Variants in DSP observed in about 807,000 individuals in gnomAD.
DSP encodes the protein desmoplakin, also known as 250/210 kDa paraneoplastic pemphigus antigen.
In DSP, 114 loss-of-function variants were observed where a neutral mutation model predicts 290.6. That is an observed-to-expected ratio of 0.39 (90% CI 0.34 to 0.46). The LOEUF is 0.46. DSP is among the 20% of genes least tolerant of loss of function. DSP has a pLI of 0.99. For missense variants in DSP, 3,230 were observed against 3,495.8 expected, an observed-to-expected ratio of 0.92 and a Z score of 1.92; for synonymous variants, 1,311 against 1,316.4, an observed-to-expected ratio of 1.00 and a Z score of 0.09.
At position 7,585,849 on chromosome 6, in the gene DSP, T is replaced by C; in HGVS notation, c.8587T>C (p.Ser2863Pro). 1.2e-6 allele frequency: 2 copies of C among 1,614,042 alleles called. No individual in the cohort carries two copies. ...GAATTCTTCCTACTCTTATTCCTAC[T>C]CATTTAGCAGTAGTTCTATTGGGCA... ...TGNSSYSYSY[S>P]FSSSSIGH Residue 2863 changes from serine to proline, a missense_variant, in exon 24 of 24, where the codon TCA (serine) becomes CCA (proline). Physicochemically the swap from Ser to Pro is moderately conservative, Grantham distance 74 (BLOSUM62 -1). Coordinates refer to ENST00000379802, the MANE Select transcript of DSP (RefSeq NM_004415.4).
intron 14 of DSP, 50 bp from the exon 15 acceptor site, chr6:7,571,792 T>TTGA: frequency 6.3e-7 from 1 of 1,586,194 alleles, no homozygotes; most frequent in East Asian, 2.2e-5. Flanking sequence ...GCCTAGCACC[T>TTGA]TGATACCTAG....
chr6:7,579,406 C>T lies in DSP; in HGVS notation c.3216C>T (p.Phe1072=), dbSNP rs774512190. 4 of 1,614,124 alleles carry T rather than the reference C, an allele frequency of 2.5e-6. No homozygotes were observed. The East Asian group carries it at 8.9e-5, about 36-fold the overall frequency. The change falls in exon 23 of 24, where the codon TTC becomes TTT. Residue 1072 remains phenylalanine, a synonymous_variant. Coordinates refer to ENST00000379802, the MANE Select transcript of DSP (RefSeq NM_004415.4). The surrounding 1 kb of genome is among the most constrained non-coding windows in gnomAD (Gnocchi z 4.1). ...LQKYQAECSQ[F]KAKLASLEEL... is the part of the protein sequence containing the mutation. Reference sequence around the variant, plus strand: ...AATACCAGGCAGAGTGTTCCCAGTTCAAAGCGAAGCTTGCGAGCCTGGAGG... The same window carrying T: ...AATACCAGGCAGAGTGTTCCCAGTTTAAAGCGAAGCTTGCGAGCCTGGAGG...
At chr6:7,581,690 T>C in intron 23 of DSP, 121 bp downstream of exon 23, 1 of 1,368,872 alleles carries the variant, frequency 7.3e-7, no homozygotes, top group African/African-American at 1.5e-5. Flanking sequence ...AATTTTTCTT[T>C]TTATTGCTCT....
intron 23 of DSP, among the ~76,000 whole-genome samples, 192 bp downstream of exon 23, chr6:7,581,761 CTGT>C (rs1759447008): frequency 6.6e-6 from 1 of 152,198 alleles, no homozygotes; most frequent in African/African-American, 2.4e-5. Flanking sequence ...GTGTGCCCTG[CTGT>C]TCTTTAATTG....
Position 7,563,620 on chromosome 6 carries a change from C to G in DSP, c.727-116C>G, listed in dbSNP as rs1353323589. The G allele has an allele frequency of 6.9e-6, 6 of 873,524 alleles. No homozygotes were observed. The East Asian group carries it at 1.5e-4, about 22-fold the overall frequency. The allele number at this position is 873,524 out of a possible 1,614,324, so 54.1% of individuals were successfully genotyped here. On this transcript the variant is annotated intron_variant, in intron 5 of 23. Transcript: ENST00000379802. The stretch of plus-strand genomic sequence containing the variant: ...TATCTCATAGAGCTAGTAATTCTTT[C>G]TTTCTATGGAGGGATCTGAGGCCAG...
chr6:7,575,375 C>T lies in DSP; in HGVS notation c.2517C>T (p.His839=). 1 of 1,614,054 alleles carries T rather than the reference C, an allele frequency of 6.2e-7. No individual in the cohort carries two copies. Among genetic ancestry groups the T allele is most frequent in the Non-Finnish European group, 8.5e-7 (1 of 1,180,024 alleles). ...KTELQKAQQI[H]SQTSQQYPLY... The stretch of plus-strand genomic sequence containing the variant: ...AACTACAGAAAGCCCAGCAGATCCA[C>T]TCTCAGACTTCACAGCAGTATCCAC... The change falls in exon 18 of 24, where the codon CAC becomes CAT. Residue 839 remains histidine (H), a synonymous_variant. Coordinates refer to ENST00000379802, the MANE Select transcript of DSP (RefSeq NM_004415.4).
intron 21 of DSP, 23 bp downstream of exon 21, chr6:7,577,909 C>G: frequency 1.3e-6 from 2 of 1,569,002 alleles, no homozygotes; most frequent in Non-Finnish European, 1.8e-6. Context: ...TCACATATCT[C>G]TTAAAACCTG....
chr6:7,569,045 T>C (rs1034816148), intron 11 of DSP, 141 bp from the exon 12 acceptor site: 1 of 1,106,602 alleles, frequency 9.0e-7, no homozygotes, highest in African/African-American at 1.6e-5. Context: ...TTGGGTTGTA[T>C]GATGATCAGC....
In DSP at chr6:7,577,912, A is replaced by G; in HGVS notation, c.2985+26A>G. The G allele has an allele frequency of 4.5e-6, 7 of 1,561,164 alleles. No individual in the cohort carries two copies. The South Asian group carries it at 6.7e-5, about 15-fold the overall frequency. ...GTATATATGTCATCACATATCTCTTAAAACCTGCCCCTCCTTCTGCTTCTT... is the reference window on the plus strand; with the variant it reads ...GTATATATGTCATCACATATCTCTTGAAACCTGCCCCTCCTTCTGCTTCTT... On this transcript the variant is annotated intron_variant, in intron 21 of 23. Transcript: ENST00000379802.
rs1221382084 is a variant in DSP at position 7,585,752 on chromosome 6, C to T, written c.8490C>T (p.Arg2830=). ...CTCCGGGGTCCCGCTCCGGCTCCCG[C>T]TCGGGATCTCGCTCCGGATCTCGCT... is the stretch of plus-strand genomic sequence containing the variant. ...SSAPGSRSGS[R]SGSRSGSRSG... is the part of the protein sequence containing the mutation. Residue 2830 remains arginine, a synonymous_variant, in exon 24 of 24, where the codon CGC becomes CGT. Transcript: ENST00000379802. The T allele has an allele frequency of 2.5e-6, 4 of 1,609,826 alleles. No individual in the cohort carries two copies. The highest frequency in any genetic ancestry group is 2.7e-5 in the African/African-American group (2 of 74,692).
In DSP at chr6:7,579,488, T is replaced by C. The variant is rs757539604; in HGVS notation, c.3298T>C (p.Cys1100Arg). Residue 1100 changes from cysteine to arginine, a missense_variant, in exon 23 of 24, where the codon TGC becomes CGC. By Grantham distance (180) the Cys-to-Arg change is radical. This residue lies in a region of DSP where 1,714 missense variants were observed against 1,844.5 expected (regional missense o/e 0.93). Transcript: ENST00000379802. The surrounding 1 kb of genome is among the most constrained non-coding windows in gnomAD (Gnocchi z 4.1). ...GKSAKQNLDK[C>R]YGQIKELNEK... is the part of the protein sequence containing the mutation. ...GTCGGCTAAGCAAAATCTAGACAAG[T>C]GCTACGGCCAAATAAAAGAACTCAA... The C allele has an allele frequency of 2.5e-6, 4 of 1,613,950 alleles. No homozygotes were observed. Among genetic ancestry groups the C allele is most frequent in the Non-Finnish European group, 3.4e-6 (4 of 1,180,028 alleles).
In DSP at chr6:7,584,404, A is replaced by G; in HGVS notation, c.7142A>G (p.Lys2381Arg). The stretch of plus-strand genomic sequence containing the variant: ...GCAACCGGGGGGATCATTGACCCAA[A>G]GGAGAGCCATCGTTTACCAGTTGAC... ...QIATGGIIDP[K>R]ESHRLPVDIA... is the part of the protein sequence containing the mutation. The change falls in exon 24 of 24, where the codon AAG (lysine) becomes AGG (arginine). Residue 2381 changes from lysine to arginine, a missense_variant. This residue lies in a region of DSP where 207 missense variants were observed against 281.2 expected (regional missense o/e 0.74). Coordinates refer to ENST00000379802, the MANE Select transcript of DSP (RefSeq NM_004415.4). This position sits in a 1 kb window ranked among gnomAD's most constrained non-coding sequence, Gnocchi z 6.4. 3.1e-6 allele frequency: 5 copies of G among 1,614,164 alleles called. No homozygotes were observed. The highest frequency in any genetic ancestry group is 4.2e-6 in the Non-Finnish European group (5 of 1,179,990).
At chr6:7,570,585 G>A in intron 13 of DSP, 22 bp downstream of exon 13, 1 of 1,612,184 alleles carries the variant, frequency 6.2e-7, no homozygotes, top group Non-Finnish European at 8.5e-7. Flanking sequence ...GGGCCACTTA[G>A]GCTGCCTGGA....
In DSP at chr6:7,569,326, G is replaced by A; in HGVS notation, c.1560G>A (p.Val520=). 6.2e-7 allele frequency: 1 copy of A among 1,614,136 alleles called. No homozygotes were observed. The change falls in exon 12 of 24, where the codon GTG becomes GTA. Residue 520 remains valine (V), a synonymous_variant. Transcript: ENST00000379802. ...LIIPPPNPLA[V]DLSCKIEQYY... ...TCCCTCCTCCGAACCCACTGGCCGT[G>A]GACCTCTCTTGCAAGTAAGTCATCC...
intron 13 of DSP, 67 bp downstream of exon 13, chr6:7,570,630 C>A: frequency 6.2e-7 from 1 of 1,604,798 alleles, no homozygotes; most frequent in Admixed American, 1.7e-5. Context: ...GTGCCTGTGT[C>A]CAACAGTTCA....
intron 1 of DSP, among the ~76,000 whole-genome samples, chr6:7,551,360 C>T (rs1021779457): frequency 6.6e-6 from 1 of 152,100 alleles, no homozygotes; most frequent in African/African-American, 2.4e-5. Context: ...GGAGTGGTGC[C>T]TCCCATCTGT....
At chr6:7,545,207 G>A (rs1011167473) in intron 1 of DSP, among the ~76,000 whole-genome samples, 1 of 152,198 alleles carries the variant, frequency 6.6e-6, no homozygotes, top group African/African-American at 2.4e-5. Context: ...AGATACGTGT[G>A]ATCATTATTT....
chr6:7,577,965 C>A, intron 21 of DSP, 79 bp downstream of exon 21: 4 of 1,135,050 alleles, frequency 3.5e-6, no homozygotes, highest in Non-Finnish European at 5.3e-6. Flanking sequence ...TGCCTCTTCC[C>A]TTTTCCCTGT....
At chr6:7,567,514 T>G in intron 9 of DSP, 65 bp downstream of exon 9, 1 of 1,374,258 alleles carries the variant, frequency 7.3e-7, no homozygotes, top group Non-Finnish European at 1.0e-6. Flanking sequence ...TTGAGTGTGT[T>G]TTATAAAGCA....
Sources: gnomAD v4.1 joint callset for allele counts (sites outside exome capture counted in the v4.1 genomes callset) on GRCh38, gnomAD v4.1.1 for gene constraint, gnomAD v4.1.1 regional missense constraint, Gnocchi (gnomAD v3.1) non-coding constraint, MANE v1.5 for transcripts, NCBI Gene and HGNC (gene_info 2026-07-23, HGNC 2026-07-21) for gene names.